EPHB1: variants seen among roughly 807,000 people sequenced by gnomAD.
EPHB1 encodes the protein EPH receptor B1.
A neutral mutation model predicts 94.4 loss-of-function variants in EPHB1; 30 were observed. The observed-to-expected ratio is 0.32, with a 90% CI of 0.24 to 0.43. The LOEUF (loss-of-function observed/expected upper bound fraction) is 0.43, where lower values mean the gene tolerates loss of function less well. Ranked by LOEUF, EPHB1 falls within the 20% of genes least tolerant of loss-of-function variation. The probability of loss-of-function intolerance (pLI) is 1.00; values close to 1 mark genes in which losing one functional copy is unlikely to be tolerated. For missense variants in EPHB1, 1,055 were observed against 1,308.3 expected (o/e 0.81, Z 2.99); for synonymous variants, 522 against 489.1 (o/e 1.07, Z -0.89).
chr3:134,795,721 C>G, intron 1 of EPHB1, 32 bp downstream of exon 1: 1 of 1,606,198 alleles, frequency 6.2e-7, no homozygotes, highest in Non-Finnish European at 8.5e-7. Flanking sequence ...AAGTTGGCTG[C>G]TGGTGCCGGC....
At chr3:135,176,340 C>T (rs777362213) in intron 9 of EPHB1, among the ~76,000 whole-genome samples, 1 of 152,186 alleles carries the variant, frequency 6.6e-6, no homozygotes, top group Non-Finnish European at 1.5e-5. Context: ...TTCAATGTGA[C>T]AATGCTTTCC....
At chr3:135,221,513 A>G (rs568537180) in intron 12 of EPHB1, among the ~76,000 whole-genome samples, 2 of 152,274 alleles carry the variant, frequency 1.3e-5, no homozygotes, top group South Asian at 2.1e-4. Context: ...CACATTTCCA[A>G]TCATTTAGCA....
At chr3:134,909,292 G>A (rs552998898) in intron 1 of EPHB1, among the ~76,000 whole-genome samples, 1 of 152,338 alleles carries the variant, frequency 6.6e-6, no homozygotes, top group Non-Finnish European at 1.5e-5. Context: ...GGAATCCCAA[G>A]GAGCCAGCCT....
intron 13 of EPHB1, among the ~76,000 whole-genome samples, chr3:135,247,825 C>T (rs1256083000): frequency 6.6e-6 from 1 of 152,196 alleles, no homozygotes; most frequent in Non-Finnish European, 1.5e-5. Context: ...TCCATCAATG[C>T]TAATCCCTTT....
At chr3:135,033,053 T>A (rs1936533122) in intron 3 of EPHB1, among the ~76,000 whole-genome samples, 1 of 152,206 alleles carries the variant, frequency 6.6e-6, no homozygotes, top group Admixed American at 6.5e-5. Flanking sequence ...GTCAGAGCTT[T>A]GAGTGTAGGT....
intron 2 of EPHB1, among the ~76,000 whole-genome samples, chr3:134,930,565 C>T (rs766270798): frequency 3.9e-5 from 6 of 152,196 alleles, no homozygotes; most frequent in Admixed American, 3.9e-4. Context: ...CTAACCTTTA[C>T]ATTTCTGGAC....
At chr3:134,947,670 A>G (rs527715717) in intron 2 of EPHB1, among the ~76,000 whole-genome samples, 3 of 152,366 alleles carry the variant, frequency 2.0e-5, no homozygotes, top group South Asian at 2.1e-4. Flanking sequence ...ACTGAGGCCC[A>G]GAGAGGTTAA....
intron 4 of EPHB1, among the ~76,000 whole-genome samples, chr3:135,107,871 C>CA (rs2107799678): frequency 6.6e-6 from 1 of 152,278 alleles, no homozygotes; most frequent in South Asian, 2.1e-4. Context: ...TTAATATTAA[C>CA]AAAAATGATT....
chr3:134,928,014 G>C (rs1204014382), intron 2 of EPHB1, among the ~76,000 whole-genome samples: 1 of 152,178 alleles, frequency 6.6e-6, no homozygotes, highest in African/African-American at 2.4e-5. Context: ...CTCCAATTCT[G>C]TGAACACACC....
chr3:134,800,919 G>GT (rs2035922957), intron 1 of EPHB1, among the ~76,000 whole-genome samples: 1 of 152,232 alleles, frequency 6.6e-6, no homozygotes, highest in South Asian at 2.1e-4. Context: ...CACACAGCTA[G>GT]TAAGTGGCCA....
In EPHB1 at chr3:135,030,510, G is replaced by T. The variant is rs543801476; in HGVS notation, c.806-75938G>T. Reference sequence around the variant, plus strand: ...GTGAGGTGTCAGTATGCCCCTGCTGGAGGGTGCCTCCCAGTTAGGCTGGTC... The same window carrying T: ...GTGAGGTGTCAGTATGCCCCTGCTGTAGGGTGCCTCCCAGTTAGGCTGGTC... On this transcript the variant is annotated intron_variant, in intron 3 of 15. Coordinates refer to ENST00000398015, the MANE Select transcript of EPHB1 (RefSeq NM_004441.5). Among the ~76,000 whole-genome samples the T allele has an allele frequency of 4.6e-5, 7 of 152,314 alleles. No homozygotes were observed. In the South Asian group the frequency reaches 1.5e-3, roughly 32 times the overall value.
At chr3:134,865,428 A>G (rs952198070) in intron 1 of EPHB1, among the ~76,000 whole-genome samples, 1 of 152,138 alleles carries the variant, frequency 6.6e-6, no homozygotes, top group Non-Finnish European at 1.5e-5. Flanking sequence ...ATCTTTTGGC[A>G]ATATCTATCA....
intron 3 of EPHB1, among the ~76,000 whole-genome samples, chr3:135,011,783 G>A (rs1440975189): frequency 1.3e-5 from 2 of 152,196 alleles, no homozygotes; most frequent in African/African-American, 2.4e-5. Context: ...AGTCTGAGGA[G>A]GTGTGAGTCT....
intron 3 of EPHB1, among the ~76,000 whole-genome samples, chr3:135,060,335 T>TGTCGTAGCATG (rs1341254793): frequency 4.6e-5 from 7 of 152,234 alleles, no homozygotes; most frequent in Admixed American, 4.6e-4. Flanking sequence ...AGATTGTCTA[T>TGTCGTAGCATG]GTCGTAGCAT....
intron 5 of EPHB1, among the ~76,000 whole-genome samples, chr3:135,148,589 C>T (rs538574906): frequency 6.6e-6 from 1 of 152,270 alleles, no homozygotes; most frequent in East Asian, 1.9e-4. Context: ...ACATTTGTTC[C>T]ACGTCATCTG....
At chr3:135,114,437 C>G (rs1009770046) in intron 4 of EPHB1, among the ~76,000 whole-genome samples, 12 of 144,372 alleles carry the variant, frequency 8.3e-5, no homozygotes, top group African/African-American at 3.1e-4. Context: ...CACAGTGGCT[C>G]ACACCTGTAA....
chr3:135,143,639 G>A (rs936002302), intron 5 of EPHB1, among the ~76,000 whole-genome samples: 4 of 152,120 alleles, frequency 2.6e-5, no homozygotes, highest in African/African-American at 9.7e-5. Flanking sequence ...CCTACACCTG[G>A]GAAAGGCTGG....
At chr3:134,838,064 G>A (rs2036708871) in intron 1 of EPHB1, among the ~76,000 whole-genome samples, 1 of 152,254 alleles carries the variant, frequency 6.6e-6, no homozygotes, top group African/African-American at 2.4e-5. Context: ...TATGTGGGAG[G>A]CTGTAGGGAA....
chr3:135,188,681 C>T (rs1245298202), intron 10 of EPHB1, among the ~76,000 whole-genome samples: 2 of 152,196 alleles, frequency 1.3e-5, no homozygotes, highest in African/African-American at 2.4e-5. Flanking sequence ...CGCCAACATC[C>T]AATGTCTCAG....
Sources: gnomAD v4.1 joint callset for allele counts (sites outside exome capture counted in the v4.1 genomes callset) on GRCh38, gnomAD v4.1.1 for gene constraint, MANE v1.5 for transcripts, NCBI Gene and HGNC (gene_info 2026-07-23, HGNC 2026-07-21) for gene names.